Variants in SDF2 observed in about 807,000 individuals in gnomAD.
SDF2 encodes the protein stromal cell-derived factor 2.
Under a neutral mutation model 20.5 loss-of-function variants are expected in SDF2, and 12 were observed. The ratio of observed to expected loss-of-function variants is 0.58; its 90% confidence interval spans 0.37 to 0.95. The LOEUF (loss-of-function observed/expected upper bound fraction) is 0.95, where lower values mean the gene tolerates loss of function less well. Among genes scored for constraint, SDF2 ranks in the 40% least tolerant of loss-of-function variants. SDF2 has a pLI of 0.01. For synonymous variants in SDF2, 100 were observed against 101.0 expected (o/e 0.99, Z 0.06); for missense variants, 238 against 263.1 (o/e 0.90, Z 0.66).
chr17:28,661,620 G>C, intron 1 of SDF2, 106 bp downstream of exon 1: 1 of 1,260,242 alleles, frequency 7.9e-7, no homozygotes, highest in Non-Finnish European at 1.1e-6. Context: ...CCTTCCCAGG[G>C]AACCCCTAAC....
chr17:28,654,302 AAC>A (rs61222164), intron 2 of SDF2, among the ~76,000 whole-genome samples: 147 of 152,214 alleles, frequency 9.7e-4, no homozygotes, highest in African/African-American at 3.2e-3. Flanking sequence ...AAAAACAAAA[AAC>A]AGTGACACAA....
chr17:28,648,934 C>T lies in SDF2; in HGVS notation c.*55G>A, dbSNP rs2071888012. 5.1e-6 allele frequency: 8 copies of T among 1,570,088 alleles called. No individual in the cohort carries two copies. The Admixed American group carries it at 1.2e-4, about 23-fold the overall frequency. On this transcript the variant is annotated 3_prime_UTR_variant, in exon 3 of 3. Transcript: ENST00000247020. Reference sequence around the variant, plus strand: ...TTGTGGCAGGGATCCCAAGGTGAGGCAGCAACAGATGTCTGTGAACATTGT... The same window carrying T: ...TTGTGGCAGGGATCCCAAGGTGAGGTAGCAACAGATGTCTGTGAACATTGT...
At chr17:28,655,066 T>A (rs1230524958) in intron 2 of SDF2, among the ~76,000 whole-genome samples, 1 of 152,070 alleles carries the variant, frequency 6.6e-6, no homozygotes, top group East Asian at 1.9e-4. Flanking sequence ...GAGGCGGAGG[T>A]TGCAGTGAGC....
rs2071892124 is a variant in SDF2 at position 28,649,279 on chromosome 17, A to G, written c.349-3T>C. On this transcript the variant is annotated splice_polypyrimidine_tract_variant and splice_region_variant and intron_variant, in intron 2 of 2. Transcript: ENST00000247020. The stretch of plus-strand genomic sequence containing the variant: ...TCCTCACCAAAAGCACTCACTTCCT[A>G]GAAAATACAGAAGGTAGTAACATCA... 1.9e-6 allele frequency: 3 copies of G among 1,612,712 alleles called. No individual in the cohort carries two copies. Among genetic ancestry groups the G allele is most frequent in the Non-Finnish European group, 8.5e-7 (1 of 1,179,620 alleles).
chr17:28,654,653 TAA>T (rs1398260893), intron 2 of SDF2, among the ~76,000 whole-genome samples: 2 of 151,914 alleles, frequency 1.3e-5, no homozygotes, highest in African/African-American at 4.8e-5. Context: ...CCATCTCTAC[TAA>T]AAATACAAAA....
chr17:28,658,639 TCTC>T lies in SDF2; in HGVS notation c.151+3084_151+3086del, dbSNP rs754153135. On this transcript the variant is annotated intron_variant, in intron 1 of 2. Coordinates refer to ENST00000247020, the MANE Select transcript of SDF2 (RefSeq NM_006923.4). The stretch of plus-strand genomic sequence containing the variant: ...TTTCTTAGTACAGAACAAAATGGAG[TCTC>T]CTATGTCTACTTCTTTCTACACAGA... Among the ~76,000 whole-genome samples the T allele has an allele frequency of 2.8e-4, 42 of 152,196 alleles. No individual in the cohort carries two copies. The East Asian group carries it at 6.8e-3, about 25-fold the overall frequency.
intron 2 of SDF2, among the ~76,000 whole-genome samples, chr17:28,650,803 CAAAAAAAAAAA>C (rs57928087): frequency 3.1e-4 from 6 of 19,074 alleles, no homozygotes; most frequent in Admixed American, 6.0e-4. Context: ...GACTTTGTCT[CAAAAAAAAAAA>C]AAAAAAAAAA....
chr17:28,654,728 G>A (rs1044143226), intron 2 of SDF2, among the ~76,000 whole-genome samples: 1 of 151,882 alleles, frequency 6.6e-6, no homozygotes, highest in Non-Finnish European at 1.5e-5. Context: ...GAAGTGGGCA[G>A]ATCACAAGGT....
Position 28,655,365 on chromosome 17 carries a change from C to T in SDF2, c.270G>A (p.Gln90=). The part of the protein sequence containing the change: ...CERGTPIKCG[Q]PIRLTHVNTG... ...TGTTGACATGTGTCAGCCGGATGGG[C>T]TGGCCACACTTGATGGGGGTTCCCC... Residue 90 remains glutamine, a synonymous_variant, in exon 2 of 3, where the codon CAG becomes CAA. Transcript: ENST00000247020. The T allele has an allele frequency of 6.2e-7, 1 of 1,614,260 alleles. No individual in the cohort carries two copies. The highest frequency in any genetic ancestry group is 1.1e-5 in the South Asian group (1 of 91,090).
At position 28,661,221 on chromosome 17, in the gene SDF2, C is replaced by G. The variant is rs1358931257; in HGVS notation, c.151+505G>C. ...GGAGCAAGTGTAAGATGCAGAAGAG[C>G]TGGAAGACAAAGGGTTGTAGTCAAC... On this transcript the variant is annotated intron_variant, in intron 1 of 2. Coordinates refer to ENST00000247020, the MANE Select transcript of SDF2 (RefSeq NM_006923.4). 3 of 451,594 alleles carry G rather than the reference C, an allele frequency of 6.6e-6. No homozygotes were observed. The Admixed American group carries it at 7.2e-5, about 11-fold the overall frequency. The allele number at this position is 451,594 out of a possible 1,614,324, so 28.0% of individuals were successfully genotyped here.
In SDF2 at chr17:28,648,883, G is replaced by T; in HGVS notation, c.*106C>A. 8.9e-7 allele frequency: 1 copy of T among 1,119,054 alleles called. No individual in the cohort carries two copies. The highest frequency in any genetic ancestry group is 1.3e-6 in the Non-Finnish European group (1 of 761,554). The allele number at this position is 1,119,054 out of a possible 1,614,324, so 69.3% of individuals were successfully genotyped here. On this transcript the variant is annotated 3_prime_UTR_variant, in exon 3 of 3. Coordinates refer to ENST00000247020, the MANE Select transcript of SDF2 (RefSeq NM_006923.4). ...TTCTGTTGTATATCTTCATCTCAAT[G>T]GTGACATGGCCACTGCCCAAGGAAC...
At chr17:28,655,760 G>A (rs2071956438) in intron 1 of SDF2, 1 of 507,966 alleles carries the variant, frequency 2.0e-6, no homozygotes, top group Non-Finnish European at 3.5e-6. Flanking sequence ...CAAATGTGAA[G>A]AGCCTATGTA....
At position 28,661,789 on chromosome 17, in the gene SDF2, C is replaced by A. The variant is rs1216193170; in HGVS notation, c.88G>T (p.Val30Leu). Residue 30 changes from valine (V) to leucine (L), a missense_variant, in exon 1 of 3, where the codon GTG becomes TTG. Val to Leu is a conservative substitution (Grantham distance 32, BLOSUM62 1). Coordinates refer to ENST00000247020, the MANE Select transcript of SDF2 (RefSeq NM_006923.4). Reference protein sequence around the residue: ...SLGVVTCGSVVKLLNTRHNVR... With the variant: ...SLGVVTCGSVLKLLNTRHNVR... ...TTGTGGCGCGTATTGAGTAGCTTCA[C>A]CACGGAGCCGCAAGTAACGACACCC... The A allele has an allele frequency of 6.2e-7, 1 of 1,614,086 alleles. No homozygotes were observed. Among genetic ancestry groups the A allele is most frequent in the Admixed American group, 1.7e-5 (1 of 60,022 alleles).
In SDF2 at chr17:28,652,446, G is replaced by T. The variant is rs1039341064; in HGVS notation, c.348+2841C>A. ...CTACCTCGGCCTCCCAAGTAGCTGG[G>T]ATCACAGGCTCCCGCCACCATGCCC... is the stretch of plus-strand genomic sequence containing the variant. On this transcript the variant is annotated intron_variant, in intron 2 of 2. Coordinates refer to ENST00000247020, the MANE Select transcript of SDF2 (RefSeq NM_006923.4). 2.0e-5 allele frequency among the ~76,000 whole-genome samples: 3 copies of T among 152,214 alleles called. No homozygotes were observed. In the South Asian group the frequency reaches 6.2e-4, roughly 32 times the overall value.
In SDF2 at chr17:28,655,475, G is replaced by A; in HGVS notation, c.160C>T (p.Gln54Ter). 1 of 1,595,472 alleles carries A rather than the reference G, an allele frequency of 6.3e-7. No homozygotes were observed. Among genetic ancestry groups the A allele is most frequent in the Non-Finnish European group, 8.5e-7 (1 of 1,170,180 alleles). ...GAGGTTACACCTGTCACTGACTGCTGCCCACTACCTGCAGTTAAGAAAAGA... is the reference window on the plus strand; with the variant it reads ...GAGGTTACACCTGTCACTGACTGCTACCCACTACCTGCAGTTAAGAAAAGA... ...HDVRYGSGSGQQSVTGVTSVD... is the reference protein window; with the variant it reads ...HDVRYGSGSG Residue 54 changes from glutamine (Q) to a stop codon, truncating the protein, a stop_gained, in exon 2 of 3, where the codon CAG (glutamine) becomes TAG (stop). Coordinates refer to ENST00000247020, the MANE Select transcript of SDF2 (RefSeq NM_006923.4). LOFTEE classifies it high-confidence loss of function.
intron 2 of SDF2, among the ~76,000 whole-genome samples, chr17:28,651,897 A>G (rs948322387): frequency 2.0e-5 from 3 of 152,246 alleles, no homozygotes; most frequent in Non-Finnish European, 4.4e-5. Flanking sequence ...AGTTCAATAC[A>G]TGGATGGCAG....
At chr17:28,654,750 G>A (rs946003665) in intron 2 of SDF2, among the ~76,000 whole-genome samples, 5 of 151,870 alleles carry the variant, frequency 3.3e-5, no homozygotes, top group African/African-American at 9.7e-5. Context: ...AGGAGTTCGA[G>A]ACCAGCCTGG....
chr17:28,655,988 A>T (rs1224118912), intron 1 of SDF2: 1 of 154,924 alleles, frequency 6.5e-6, no homozygotes, highest in East Asian at 1.9e-4. Flanking sequence ...GAAATTAACA[A>T]ATAAATTTGG....
Position 28,648,913 on chromosome 17 carries a change from G to C in SDF2, c.*76C>G, listed in dbSNP as rs767561457. 4 of 1,480,100 alleles carry C rather than the reference G, an allele frequency of 2.7e-6. No homozygotes were observed. Among genetic ancestry groups the C allele is most frequent in the Non-Finnish European group, 3.7e-6 (4 of 1,075,222 alleles). 91.7% of individuals were successfully genotyped at this position (1,480,100 alleles called of 1,614,324 possible). On this transcript the variant is annotated 3_prime_UTR_variant, in exon 3 of 3. Transcript: ENST00000247020. The stretch of plus-strand genomic sequence containing the variant: ...CATGGCCACTGCCCAAGGAACTTGT[G>C]GCAGGGATCCCAAGGTGAGGCAGCA...
Sources: gnomAD v4.1 joint callset for allele counts (sites outside exome capture counted in the v4.1 genomes callset) on GRCh38, gnomAD v4.1.1 for gene constraint, MANE v1.5 for transcripts, NCBI Gene and HGNC (gene_info 2026-07-23, HGNC 2026-07-21) for gene names.